The following NAA25 variants were observed in gnomAD, a reference collection of about 807,000 sequenced individuals.
The protein encoded by NAA25 is N-alpha-acetyltransferase 25, NatB auxiliary subunit, also known as N-terminal acetyltransferase B complex subunit NAA25.
A neutral mutation model predicts 132.5 loss-of-function variants in NAA25; 30 were observed. That is an observed-to-expected ratio of 0.23 (90% CI 0.17 to 0.31). The LOEUF (loss-of-function observed/expected upper bound fraction) is 0.31. NAA25 is among the 10% of genes least tolerant of loss of function. The pLI is 1.00. For synonymous variants in NAA25, 359 were observed against 401.9 expected (o/e 0.89, Z 1.28); for missense variants, 771 against 1,150.4 (o/e 0.67, Z 4.77).
Position 112,033,284 on chromosome 12 carries a change from T to G in NAA25, c.2745A>C (p.Leu915=), listed in dbSNP as rs1565994887. Reference sequence around the variant, plus strand: ...TAAGTTCTTCAAGTTTAAGTGCAATTAGATGTGTTTCAAGCCCTTTAATAT... The same window carrying G: ...TAAGTTCTTCAAGTTTAAGTGCAATGAGATGTGTTTCAAGCCCTTTAATAT... ...VDHIKGLETH[L]IALKLEELIL... is the part of the protein sequence containing the mutation. Residue 915 remains leucine (L), a synonymous_variant, in exon 23 of 24, where the codon CTA becomes CTC. Coordinates refer to ENST00000261745, the MANE Select transcript of NAA25 (RefSeq NM_024953.4). 2 of 1,612,420 alleles carry G rather than the reference T, an allele frequency of 1.2e-6. No individual in the cohort carries two copies. The highest frequency in any genetic ancestry group is 2.2e-5 in the South Asian group (2 of 90,688).
intron 22 of NAA25, among the ~76,000 whole-genome samples, chr12:112,036,287 C>T (rs1417569994): frequency 6.6e-6 from 1 of 152,158 alleles, no homozygotes; most frequent in Non-Finnish European, 1.5e-5. Flanking sequence ...TCTATACTCA[C>T]TGGAACGTAT....
Position 112,078,418 on chromosome 12 carries a change from CTA to C in NAA25, c.586-154_586-153del, listed in dbSNP as rs762757654. The C allele has an allele frequency of 6.4e-4, 447 of 698,194 alleles. 1 individual carries two copies. The highest frequency in any genetic ancestry group is 9.3e-4 in the Non-Finnish European group (384 of 410,784). 43.2% of individuals were successfully genotyped at this position (698,194 alleles called of 1,614,324 possible). ...AAGCAGGTAACAGGATCTTCTCCAT[CTA>C]TATCTCTCCCGTCTATACACATCTC... On this transcript the variant is annotated intron_variant, in intron 6 of 23. Coordinates refer to ENST00000261745, the MANE Select transcript of NAA25 (RefSeq NM_024953.4).
At chr12:112,086,051 A>AAAAAATAT (rs2079045728) in intron 4 of NAA25, among the ~76,000 whole-genome samples, 1 of 37,380 alleles carries the variant, frequency 2.7e-5, no homozygotes, top group African/African-American at 1.8e-4. Context: ...AAAAAAAAAA[A>AAAAAATAT]ATATATATAT....
intron 11 of NAA25, among the ~76,000 whole-genome samples, chr12:112,062,522 C>T (rs1305512211): frequency 6.6e-6 from 1 of 151,790 alleles, no homozygotes; most frequent in African/African-American, 2.4e-5. Context: ...GTCAGGGGTT[C>T]GAGACCTCCC....
Position 112,061,357 on chromosome 12 carries a change from AAAGGAACAACTCC to A in NAA25, c.1168_1180del (p.Gly390CysfsTer27), listed in dbSNP as rs767531707. The A allele has an allele frequency of 6.2e-7, 1 of 1,614,208 alleles. No homozygotes were observed. The highest frequency in any genetic ancestry group is 8.5e-7 in the Non-Finnish European group (1 of 1,180,032). On this transcript the variant is annotated frameshift_variant, in exon 12 of 24. Coordinates refer to ENST00000261745, the MANE Select transcript of NAA25 (RefSeq NM_024953.4). LOFTEE classifies it high-confidence loss of function. ...CAGCTTATCCTCTGTTGGTGTCGAC[AAAGGAACAACTCC>A]AAGTAACTGATTAATAAACTGCAAA...
At chr12:112,052,904 G>A (rs769053653) in intron 15 of NAA25, among the ~76,000 whole-genome samples, 6 of 152,202 alleles carry the variant, frequency 3.9e-5, no homozygotes, top group Admixed American at 1.3e-4. Context: ...TTGTTGGGCA[G>A]TTTTTTATAA....
intron 2 of NAA25, 31 bp downstream of exon 2, chr12:112,093,020 A>C: frequency 6.8e-7 from 1 of 1,472,344 alleles, no homozygotes; most frequent in Non-Finnish European, 9.4e-7. Context: ...AACCCGCCAC[A>C]GGTAAGTAAC....
intron 17 of NAA25, among the ~76,000 whole-genome samples, chr12:112,047,076 A>T (rs2078392525): frequency 6.6e-6 from 1 of 152,158 alleles, no homozygotes; most frequent in Non-Finnish European, 1.5e-5. Flanking sequence ...AGTAGATCTA[A>T]CTTTTAGATT....
chr12:112,047,199 G>GT (rs906030750), intron 17 of NAA25, among the ~76,000 whole-genome samples: 69 of 122,272 alleles, frequency 5.6e-4, no homozygotes, highest in African/African-American at 1.9e-3. Context: ...AGTGAAGTTT[G>GT]TTTTTTTTAA....
In NAA25 at chr12:112,086,073, T is replaced by TATATATATATATAC. The variant is rs759148501; in HGVS notation, c.402+1609_402+1610insGTATATATATATAT. On this transcript the variant is annotated intron_variant, in intron 4 of 23. Coordinates refer to ENST00000261745, the MANE Select transcript of NAA25 (RefSeq NM_024953.4). ...AAAAATATATATATATATATATATATACACACACACACACACACACACACA... is the reference window on the plus strand; with the variant it reads ...AAAAATATATATATATATATATATATATATATATATATACACACACACACACACACACACACACA... Among the ~76,000 whole-genome samples, 119 of 53,954 alleles carry TATATATATATATAC rather than the reference T, an allele frequency of 2.2e-3. 1 individual carries two copies. The highest frequency in any genetic ancestry group is 0.012 in the African/African-American group (98 of 8,286). 35.4% of individuals were successfully genotyped at this position (53,954 alleles called of 152,430 possible).
Position 112,029,445 on chromosome 12 carries a change from T to C in NAA25, c.*86A>G. On this transcript the variant is annotated 3_prime_UTR_variant, in exon 24 of 24. Transcript: ENST00000261745. ...TTTATGAGGAAGTTCTGGATTAAAA[T>C]CATGGTCAACCAGATGTTGCTTTTG... is the stretch of plus-strand genomic sequence containing the variant. 1 of 1,588,164 alleles carries C rather than the reference T, an allele frequency of 6.3e-7. No homozygotes were observed. The highest frequency in any genetic ancestry group is 8.6e-7 in the Non-Finnish European group (1 of 1,169,176).
chr12:112,055,843 C>T (rs2078536265), intron 13 of NAA25, among the ~76,000 whole-genome samples: 2 of 152,098 alleles, frequency 1.3e-5, no homozygotes, highest in Admixed American at 1.3e-4. Flanking sequence ...GTAACAACAG[C>T]AAAAATGAAA....
intron 1 of NAA25, among the ~76,000 whole-genome samples, chr12:112,105,221 A>C (rs1394527767): frequency 6.6e-6 from 1 of 151,720 alleles, no homozygotes; most frequent in African/African-American, 2.4e-5. Flanking sequence ...CAGGAGGCTG[A>C]GGTGGATGGA....
intron 6 of NAA25, 139 bp downstream of exon 6, chr12:112,078,495 G>T: frequency 1.3e-6 from 1 of 768,326 alleles, no homozygotes; most frequent in East Asian, 2.7e-5. Flanking sequence ...CTACGCTGAG[G>T]GCTTCAGATT....
At chr12:112,094,355 T>A (rs1377526692) in intron 1 of NAA25, among the ~76,000 whole-genome samples, 1 of 152,180 alleles carries the variant, frequency 6.6e-6, no homozygotes, top group East Asian at 1.9e-4. Context: ...ACTATACATA[T>A]TTAGATGAGA....
intron 16 of NAA25, 90 bp from the exon 17 acceptor site, chr12:112,047,880 A>C: frequency 7.6e-7 from 1 of 1,308,746 alleles, no homozygotes; most frequent in Non-Finnish European, 1.0e-6. Flanking sequence ...CTAGACAGGA[A>C]GGGAAAGAGG....
intron 10 of NAA25, among the ~76,000 whole-genome samples, chr12:112,070,896 G>C (rs189570416): frequency 2.0e-5 from 3 of 152,210 alleles, no homozygotes; most frequent in African/African-American, 7.2e-5. Context: ...ACAGGCGTGT[G>C]CCACCATGCC....
Position 112,093,072 on chromosome 12 carries a change from A to G in NAA25, c.123T>C (p.His41=). The change falls in exon 2 of 24, where the codon CAT becomes CAC. Residue 41 remains histidine (H), a synonymous_variant. Transcript: ENST00000261745. ...IQQADKLLKK[H]KDLHCAKVLK... Reference sequence around the variant, plus strand: ...TTACCTTAGCACAATGAAGATCCTTATGTTTCTTCAACAGTTTATCTGCTT... The same window carrying G: ...TTACCTTAGCACAATGAAGATCCTTGTGTTTCTTCAACAGTTTATCTGCTT... The G allele has an allele frequency of 6.2e-7, 1 of 1,612,472 alleles. No homozygotes were observed. The highest frequency in any genetic ancestry group is 8.5e-7 in the Non-Finnish European group (1 of 1,178,806).
At chr12:112,072,143 T>A in intron 9 of NAA25, 79 bp from the exon 10 acceptor site, 5 of 1,076,804 alleles carry the variant, frequency 4.6e-6, no homozygotes, top group Non-Finnish European at 1.3e-6. Context: ...CAAACTCATT[T>A]AAAAAGAGAA....
Sources: allele counts gnomAD v4.1 joint callset (sites outside exome capture counted in the v4.1 genomes callset), GRCh38; gene constraint gnomAD v4.1.1; transcripts MANE v1.5; gene names NCBI Gene and HGNC (gene_info 2026-07-23, HGNC 2026-07-21).